Variants in PTPRK observed in about 807,000 individuals in gnomAD.
PTPRK encodes the protein receptor-type tyrosine-protein phosphatase kappa.
PTPRK carries 75 observed loss-of-function variants against 178.0 expected under a neutral mutation model. That is an observed-to-expected ratio of 0.42 (90% CI 0.35 to 0.51). PTPRK has a LOEUF of 0.51. Among genes scored for constraint, PTPRK ranks in the 20% least tolerant of loss-of-function variants. The pLI, the probability that PTPRK is intolerant of heterozygous loss-of-function variation, is 0.02. For synonymous variants in PTPRK, 637 were observed against 620.6 expected, an observed-to-expected ratio of 1.03 and a Z score of -0.39; for missense variants, 1,441 against 1,797.8, an observed-to-expected ratio of 0.80 and a Z score of 3.59.
chr6:128,327,526 C>T lies in PTPRK; in HGVS notation c.224-5216G>A, dbSNP rs1305644728. 4.6e-5 allele frequency among the ~76,000 whole-genome samples: 7 copies of T among 152,296 alleles called. No homozygotes were observed. The East Asian group carries it at 9.7e-4, about 21-fold the overall frequency. The stretch of plus-strand genomic sequence containing the variant: ...ACCCCTCATTATTTTCTCCACACAT[C>T]ATGCCAGTTTTCTGTCCTCAAACTG... On this transcript the variant is annotated intron_variant, in intron 2 of 29. Transcript: ENST00000368226.
At chr6:128,505,512 G>T (rs1056058958) in intron 1 of PTPRK, among the ~76,000 whole-genome samples, 1 of 151,964 alleles carries the variant, frequency 6.6e-6, no homozygotes, top group African/African-American at 2.4e-5. Context: ...TGCTGCCACC[G>T]CAATCACAAA....
Position 127,981,269 on chromosome 6 carries a change from A to C in PTPRK, c.3558T>G (p.Pro1186=), listed in dbSNP as rs761063878. The C allele has an allele frequency of 5.0e-6, 8 of 1,613,574 alleles. No homozygotes were observed. The African/African-American group carries it at 8.0e-5, about 16-fold the overall frequency. The change falls in exon 25 of 30, where the codon CCT becomes CCG. Residue 1186 remains proline, a synonymous_variant. Coordinates refer to ENST00000368226, the MANE Select transcript of PTPRK (RefSeq NM_002844.4). ...TACTGCAGTCTTCAGCTTGTAGTCG[A>C]GGGGTGACTGAATTCAGAGTCTAAA... is the stretch of plus-strand genomic sequence containing the variant. ...DEFQTLNSVT[P]RLQAEDCSIA...
At chr6:128,397,532 T>A (rs1840475145) in intron 2 of PTPRK, 34 bp downstream of exon 2, 1 of 1,606,520 alleles carries the variant, frequency 6.2e-7, no homozygotes, top group Non-Finnish European at 8.5e-7. Flanking sequence ...GCAAAACTAT[T>A]CCCCCAACAC....
chr6:128,245,296 A>C (rs1815255849), intron 3 of PTPRK, among the ~76,000 whole-genome samples: 1 of 152,190 alleles, frequency 6.6e-6, no homozygotes, highest in Admixed American at 6.5e-5. Context: ...TCATTTAAGT[A>C]GACTTTAGAG....
At chr6:128,320,814 A>G (rs545432978) in intron 3 of PTPRK, among the ~76,000 whole-genome samples, 1 of 152,170 alleles carries the variant, frequency 6.6e-6, no homozygotes, top group South Asian at 2.1e-4. Context: ...TACCTACCAT[A>G]TCATATATGC....
chr6:128,185,541 A>G lies in PTPRK; in HGVS notation c.869-816T>C, dbSNP rs138262594. On this transcript the variant is annotated intron_variant, in intron 6 of 29. Transcript: ENST00000368226. Reference sequence around the variant, plus strand: ...ACTCAACAGCTATAGCTCTGTTCATATGGTCTTTCCACAAGGGATAATAAC... The same window carrying G: ...ACTCAACAGCTATAGCTCTGTTCATGTGGTCTTTCCACAAGGGATAATAAC... Among the ~76,000 whole-genome samples the G allele has an allele frequency of 2.0e-5, 3 of 152,246 alleles. No individual in the cohort carries two copies. In the East Asian group the frequency reaches 5.8e-4, roughly 29 times the overall value.
intron 21 of PTPRK, 67 bp downstream of exon 21, chr6:127,990,702 G>C: frequency 9.9e-7 from 1 of 1,007,024 alleles, no homozygotes; most frequent in South Asian, 1.4e-5. Context: ...AACAGAACTT[G>C]GCAAAGATTT....
At chr6:128,003,623 T>G (rs1012454043) in intron 15 of PTPRK, among the ~76,000 whole-genome samples, 1 of 151,896 alleles carries the variant, frequency 6.6e-6, no homozygotes, top group African/African-American at 2.4e-5. Context: ...TCTAAGTTCA[T>G]AAGTGGATAT....
At position 127,990,796 on chromosome 6, in the gene PTPRK, A is replaced by G. The variant is rs1171382661; in HGVS notation, c.3069T>C (p.Tyr1023=). The G allele has an allele frequency of 2.5e-6, 4 of 1,608,918 alleles. No homozygotes were observed. The highest frequency in any genetic ancestry group is 2.2e-5 in the South Asian group (2 of 90,956). The part of the protein sequence containing the change: ...TCVEMEPLAE[Y]VVRTFTLERR... ...TTTCCAGGGTGAATGTCCTAACTAC[A>G]TATTCAGCAAGTGGTTCCATTTCTA... The change falls in exon 21 of 30, where the codon TAT becomes TAC. Residue 1023 remains tyrosine, a synonymous_variant. Transcript: ENST00000368226.
At chr6:128,234,009 G>A (rs1160467085) in intron 5 of PTPRK, among the ~76,000 whole-genome samples, 2 of 152,144 alleles carry the variant, frequency 1.3e-5, no homozygotes, top group African/African-American at 4.8e-5. Context: ...GCAGCAATAG[G>A]CTCTATTTGA....
intron 13 of PTPRK, among the ~76,000 whole-genome samples, chr6:128,023,674 G>A (rs1353430142): frequency 6.6e-6 from 1 of 151,824 alleles, no homozygotes; most frequent in Non-Finnish European, 1.5e-5. Context: ...ATTTTTTTGA[G>A]ACAGGGTCTC....
At chr6:128,255,318 G>T (rs1197245063) in intron 3 of PTPRK, among the ~76,000 whole-genome samples, 1 of 152,150 alleles carries the variant, frequency 6.6e-6, no homozygotes, top group Non-Finnish European at 1.5e-5. Context: ...TAGATGGAGA[G>T]AGATAAACTC....
In PTPRK at chr6:128,001,650, T is replaced by C. The variant is rs1386605350; in HGVS notation, c.2495-2746A>G. Among the ~76,000 whole-genome samples the C allele has an allele frequency of 3.9e-5, 6 of 152,102 alleles. No homozygotes were observed. The East Asian group carries it at 5.8e-4, about 15-fold the overall frequency. ...CTCATACACATCATCTAATTTTCTCTTTATAATAAAACCCCATGAAAAAGG... is the reference window on the plus strand; with the variant it reads ...CTCATACACATCATCTAATTTTCTCCTTATAATAAAACCCCATGAAAAAGG... On this transcript the variant is annotated intron_variant, in intron 15 of 29. Transcript: ENST00000368226.
At chr6:128,134,280 C>T (rs1296898030) in intron 7 of PTPRK, among the ~76,000 whole-genome samples, 1 of 152,078 alleles carries the variant, frequency 6.6e-6, no homozygotes, top group South Asian at 2.1e-4. Flanking sequence ...TGTCTCAGAG[C>T]CCGTATTTTT....
chr6:128,183,147 T>A (rs561905493), intron 7 of PTPRK, among the ~76,000 whole-genome samples: 6 of 152,320 alleles, frequency 3.9e-5, no homozygotes, highest in African/African-American at 1.4e-4. Context: ...AATTTTGGAA[T>A]AGAGAGTGAA....
At chr6:128,438,143 T>C (rs1266039120) in intron 1 of PTPRK, among the ~76,000 whole-genome samples, 2 of 152,200 alleles carry the variant, frequency 1.3e-5, no homozygotes, top group African/African-American at 4.8e-5. Context: ...CGGCTGTGCA[T>C]ACATTGGGGC....
chr6:128,290,158 C>A (rs1179482124), intron 3 of PTPRK, among the ~76,000 whole-genome samples: 3 of 152,078 alleles, frequency 2.0e-5, no homozygotes, highest in Non-Finnish European at 2.9e-5. Flanking sequence ...GTTTTGATAT[C>A]TACTCTATGG....
intron 2 of PTPRK, among the ~76,000 whole-genome samples, chr6:128,364,499 G>C (rs866460734): frequency 6.6e-6 from 1 of 151,954 alleles, no homozygotes; most frequent in South Asian, 2.1e-4. Context: ...TCAGTTTATT[G>C]TCATGAATAT....
intron 3 of PTPRK, among the ~76,000 whole-genome samples, chr6:128,292,726 C>T (rs1012474657): frequency 3.3e-5 from 5 of 152,034 alleles, no homozygotes; most frequent in South Asian, 2.1e-4. Context: ...GATAATCCTA[C>T]TCTGTGTTAA....
Sources: gnomAD v4.1 joint callset for allele counts (sites outside exome capture counted in the v4.1 genomes callset) on GRCh38, gnomAD v4.1.1 for gene constraint, MANE v1.5 for transcripts, NCBI Gene and HGNC (gene_info 2026-07-23, HGNC 2026-07-21) for gene names.